GLI2: variants seen among roughly 807,000 people sequenced by gnomAD.
The protein encoded by GLI2 is transcription activator GLI2.
Under a neutral mutation model 78.9 loss-of-function variants are expected in GLI2, and 22 were observed. That is an observed-to-expected ratio of 0.28 (90% CI 0.20 to 0.40). The LOEUF is 0.40. Among genes scored for constraint, GLI2 ranks in the 10% least tolerant of loss-of-function variants. The probability of loss-of-function intolerance (pLI) is 1.00; values close to 1 mark genes in which losing one functional copy is unlikely to be tolerated. For synonymous variants in GLI2, 974 were observed against 963.7 expected, an observed-to-expected ratio of 1.01 and a Z score of -0.20; for missense variants, 2,097 against 2,213.2, an observed-to-expected ratio of 0.95 and a Z score of 1.05.
At chr2:120,846,065 G>C (rs1248939780) in intron 2 of GLI2, among the ~76,000 whole-genome samples, 1 of 152,142 alleles carries the variant, frequency 6.6e-6, no homozygotes, top group African/African-American at 2.4e-5. Flanking sequence ...TGTCACTAGG[G>C]GGGTCCGAAG....
At chr2:120,928,008 G>T (rs75083932) in intron 3 of GLI2, among the ~76,000 whole-genome samples, 8,107 of 152,168 alleles carry the variant, frequency 0.053, 683 homozygotes, top group African/African-American at 0.18. Flanking sequence ...GCCTAACCCT[G>T]TCCCTGTCAT....
At chr2:120,927,057 T>C (rs903892484) in intron 2 of GLI2, among the ~76,000 whole-genome samples, 2 of 152,208 alleles carry the variant, frequency 1.3e-5, no homozygotes, top group African/African-American at 4.8e-5. Flanking sequence ...CAGCCCTGAT[T>C]TGCGGGCTGA....
At chr2:120,802,985 G>T (rs1219283569) in intron 2 of GLI2, among the ~76,000 whole-genome samples, 3 of 152,242 alleles carry the variant, frequency 2.0e-5, no homozygotes, top group African/African-American at 7.2e-5. Context: ...AAACCCTCTT[G>T]GTGATTCTGA....
rs545773592 is a variant in GLI2, at chr2:120,890,507, G to A, written c.149-36854G>A. 3.6e-4 allele frequency among the ~76,000 whole-genome samples: 55 copies of A among 152,116 alleles called. 1 individual carries two copies. The South Asian group carries it at 8.5e-3, about 24-fold the overall frequency. On this transcript the variant is annotated intron_variant, in intron 2 of 13. Coordinates refer to ENST00000361492, the MANE Select transcript of GLI2 (RefSeq NM_001374353.1). ...CACATTCACATACATACATACCTGCGTGCAAGTAAAACTGAGGAAATTAGA... is the reference window on the plus strand; with the variant it reads ...CACATTCACATACATACATACCTGCATGCAAGTAAAACTGAGGAAATTAGA...
intron 1 of GLI2, among the ~76,000 whole-genome samples, chr2:120,788,131 C>T (rs1684049188): frequency 6.6e-6 from 1 of 152,190 alleles, no homozygotes; most frequent in Admixed American, 6.5e-5. Flanking sequence ...GAAACTGAGG[C>T]TTAGGGAGAA....
At chr2:120,962,115 CT>C (rs1201910951) in intron 5 of GLI2, among the ~76,000 whole-genome samples, 4 of 152,180 alleles carry the variant, frequency 2.6e-5, no homozygotes, top group Non-Finnish European at 5.9e-5. Flanking sequence ...GGGGTGGGTG[CT>C]GGTAGCCCAT....
intron 2 of GLI2, among the ~76,000 whole-genome samples, chr2:120,846,999 C>T (rs923228463): frequency 6.6e-6 from 1 of 151,932 alleles, no homozygotes; most frequent in Non-Finnish European, 1.5e-5. Flanking sequence ...GGCAAGAGCT[C>T]AGCTACTCTG....
intron 2 of GLI2, among the ~76,000 whole-genome samples, chr2:120,926,401 G>T (rs1443149678): frequency 6.6e-6 from 1 of 152,160 alleles, no homozygotes. Flanking sequence ...CTAGCAGTCA[G>T]CTGACCTGTA....
intron 2 of GLI2, among the ~76,000 whole-genome samples, chr2:120,864,130 T>C (rs889582595): frequency 4.6e-5 from 7 of 152,062 alleles, no homozygotes; most frequent in Admixed American, 3.3e-4. Flanking sequence ...GGAGGCTCTG[T>C]GAGGGCCCGT....
Position 120,986,452 on chromosome 2 carries a change from G to A in GLI2, c.2080G>A (p.Ala694Thr). The change falls in exon 13 of 14, where the codon GCC (alanine) becomes ACC (threonine). Residue 694 changes from alanine to threonine, a missense_variant. Transcript: ENST00000361492. ...PPGADTSALAAPSAGGLQLRK... is the reference protein window; with the variant it reads ...PPGADTSALATPSAGGLQLRK... The stretch of plus-strand genomic sequence containing the variant: ...AGGGGCCGACACCTCAGCCCTGGCT[G>A]CCCCCTCCGCTGGTGGCCTCCAGCT... The A allele has an allele frequency of 6.2e-7, 1 of 1,613,948 alleles. No individual in the cohort carries two copies. Among genetic ancestry groups the A allele is most frequent in the Non-Finnish European group, 8.5e-7 (1 of 1,180,016 alleles).
chr2:120,924,532 C>T (rs1679563860), intron 2 of GLI2, among the ~76,000 whole-genome samples: 1 of 111,388 alleles, frequency 9.0e-6, no homozygotes, highest in Non-Finnish European at 1.8e-5. Flanking sequence ...TGCAAGGAAA[C>T]ATTTAGAAAT....
intron 2 of GLI2, among the ~76,000 whole-genome samples, chr2:120,910,631 A>G (rs969077368): frequency 6.6e-6 from 1 of 152,196 alleles, no homozygotes; most frequent in African/African-American, 2.4e-5. Context: ...CCAGCATCCC[A>G]CACGTGTTGC....
chr2:120,760,154 G>A (rs1683170924), intron 1 of GLI2, among the ~76,000 whole-genome samples: 1 of 152,154 alleles, frequency 6.6e-6, no homozygotes, highest in Admixed American at 6.5e-5. Flanking sequence ...GTTGCTCCAG[G>A]GGAGGCCCTG....
intron 2 of GLI2, among the ~76,000 whole-genome samples, chr2:120,852,339 G>A (rs576220345): frequency 4.6e-5 from 7 of 152,292 alleles, no homozygotes; most frequent in African/African-American, 9.6e-5. Context: ...CTCCATTTTC[G>A]GGCCAGCTCT....
At chr2:120,777,258 G>A (rs749173952) in intron 1 of GLI2, among the ~76,000 whole-genome samples, 7 of 152,098 alleles carry the variant, frequency 4.6e-5, no homozygotes, top group Non-Finnish European at 8.8e-5. Context: ...GTTCGAGTGT[G>A]TTTATGTGTG....
intron 5 of GLI2, among the ~76,000 whole-genome samples, chr2:120,963,781 G>C (rs1681706425): frequency 6.6e-6 from 1 of 152,244 alleles, no homozygotes; most frequent in Non-Finnish European, 1.5e-5. Context: ...AAGTTACTTA[G>C]TGTCCTGTTT....
intron 12 of GLI2, among the ~76,000 whole-genome samples, chr2:120,985,971 C>T (rs566017615): frequency 4.6e-5 from 7 of 152,344 alleles, no homozygotes; most frequent in East Asian, 1.9e-4. Flanking sequence ...TAAGTGCCTT[C>T]CTTTGTGCCA....
chr2:120,755,297 A>G (rs1683008525), intron 1 of GLI2, among the ~76,000 whole-genome samples: 1 of 152,204 alleles, frequency 6.6e-6, no homozygotes, highest in Non-Finnish European at 1.5e-5. Flanking sequence ...AGCCACTTTT[A>G]TAGGTGTATA....
At chr2:120,803,275 T>C (rs1447034448) in intron 2 of GLI2, among the ~76,000 whole-genome samples, 1 of 152,250 alleles carries the variant, frequency 6.6e-6, no homozygotes, top group African/African-American at 2.4e-5. Flanking sequence ...GGTCCGTGCC[T>C]CACTTTTCTC....
Sources: allele counts gnomAD v4.1 joint callset (sites outside exome capture counted in the v4.1 genomes callset), GRCh38; gene constraint gnomAD v4.1.1; transcripts MANE v1.5; gene names NCBI Gene and HGNC (gene_info 2026-07-23, HGNC 2026-07-21).